NOL4: variants seen among roughly 807,000 people sequenced by gnomAD.
The protein encoded by NOL4 is nucleolar protein 4.
A neutral mutation model predicts 75.9 loss-of-function variants in NOL4; 17 were observed. The ratio of observed to expected loss-of-function variants is 0.22; its 90% CI spans 0.15 to 0.34. The LOEUF is 0.34. Ranked by LOEUF, NOL4 falls within the 10% of genes least tolerant of loss-of-function variation. The pLI is 1.00. For synonymous variants in NOL4, 292 were observed against 289.9 expected, an observed-to-expected ratio of 1.01 and a Z score of -0.07; for missense variants, 614 against 793.5, an observed-to-expected ratio of 0.77 and a Z score of 2.72.
At chr18:34,099,863 T>C (rs2078964523) in intron 4 of NOL4, among the ~76,000 whole-genome samples, 1 of 152,182 alleles carries the variant, frequency 6.6e-6, no homozygotes, top group Non-Finnish European at 1.5e-5. Context: ...TACTGTCTTC[T>C]ACCCATGCCC....
intron 1 of NOL4, among the ~76,000 whole-genome samples, chr18:34,191,415 T>A (rs949230683): frequency 6.6e-6 from 1 of 152,166 alleles, no homozygotes; most frequent in Non-Finnish European, 1.5e-5. Context: ...TTTAAAATTC[T>A]TACACATTTA....
intron 1 of NOL4, among the ~76,000 whole-genome samples, chr18:34,194,553 C>T (rs1197196151): frequency 6.6e-6 from 1 of 151,674 alleles, no homozygotes; most frequent in Non-Finnish European, 1.5e-5. Flanking sequence ...CGTAAGTAAG[C>T]TGGGAAAAAA....
intron 4 of NOL4, 79 bp downstream of exon 4, chr18:34,103,968 C>A: frequency 2.2e-6 from 2 of 921,348 alleles, no homozygotes; most frequent in Non-Finnish European, 3.6e-6. Flanking sequence ...AAAATGCCAT[C>A]ATGCTTAATA....
chr18:34,073,387 A>G (rs115385402), intron 5 of NOL4, among the ~76,000 whole-genome samples: 4,170 of 152,116 alleles, frequency 0.027, 222 homozygotes, highest in African/African-American at 0.095. Flanking sequence ...TGGATATCCC[A>G]AAATCCATAG....
At chr18:33,871,362 G>T (rs2063692269) in intron 10 of NOL4, among the ~76,000 whole-genome samples, 1 of 152,000 alleles carries the variant, frequency 6.6e-6, no homozygotes, top group South Asian at 2.1e-4. Context: ...GCCCAGGAAA[G>T]GGTAATGTGG....
In NOL4 at chr18:34,185,254, C is replaced by T. The variant is rs148259353; in HGVS notation, c.264+37736G>A. 4.6e-5 allele frequency among the ~76,000 whole-genome samples: 7 copies of T among 152,260 alleles called. No individual in the cohort carries two copies. In the East Asian group the frequency reaches 1.4e-3, roughly 29 times the overall value. Reference sequence around the variant, plus strand: ...TTAGCCTGCTACAATTTCACGGATTCTGGCAGAACATACAAGACTTCTAAT... The same window carrying T: ...TTAGCCTGCTACAATTTCACGGATTTTGGCAGAACATACAAGACTTCTAAT... On this transcript the variant is annotated intron_variant, in intron 1 of 10. Coordinates refer to ENST00000261592, the MANE Select transcript of NOL4 (RefSeq NM_003787.5).
intron 9 of NOL4, among the ~76,000 whole-genome samples, chr18:33,937,806 A>G (rs2068171010): frequency 6.6e-6 from 1 of 152,158 alleles, no homozygotes; most frequent in Non-Finnish European, 1.5e-5. Flanking sequence ...TACTAATTAT[A>G]AACAGTAAAC....
At chr18:34,174,244 C>A (rs902208550) in intron 1 of NOL4, among the ~76,000 whole-genome samples, 2 of 152,056 alleles carry the variant, frequency 1.3e-5, no homozygotes, top group Non-Finnish European at 2.9e-5. Context: ...TATTTAAATC[C>A]AGGGCACAGA....
chr18:34,024,281 G>T (rs1421650205), intron 5 of NOL4, among the ~76,000 whole-genome samples: 1 of 145,664 alleles, frequency 6.9e-6, no homozygotes, highest in Admixed American at 6.9e-5. Context: ...TGCTCACAGG[G>T]TCCACAAAGA....
chr18:33,896,088 T>C (rs10853429), intron 9 of NOL4, among the ~76,000 whole-genome samples: 52,832 of 151,764 alleles, frequency 0.35, 9,335 homozygotes, highest in South Asian at 0.47. Context: ...GGAATACAGC[T>C]AACGAGGGAG....
At chr18:33,897,187 C>T (rs903716824) in intron 9 of NOL4, among the ~76,000 whole-genome samples, 1 of 152,140 alleles carries the variant, frequency 6.6e-6, no homozygotes, top group Non-Finnish European at 1.5e-5. Flanking sequence ...TCAGTTCAAC[C>T]ATTGTGGAAA....
intron 9 of NOL4, among the ~76,000 whole-genome samples, chr18:33,891,742 T>C (rs1006522887): frequency 2.6e-5 from 4 of 152,214 alleles, no homozygotes; most frequent in African/African-American, 4.8e-5. Flanking sequence ...TGATCTCTTG[T>C]ATGGTAGAAT....
intron 2 of NOL4, among the ~76,000 whole-genome samples, chr18:34,116,674 A>G (rs1247479535): frequency 6.6e-6 from 1 of 152,212 alleles, no homozygotes; most frequent in African/African-American, 2.4e-5. Context: ...AGTTAGAAAA[A>G]TTGAAGAAGT....
intron 5 of NOL4, chr18:34,048,585 G>T: frequency 1.0e-6 from 1 of 985,342 alleles, no homozygotes; most frequent in East Asian, 1.1e-4. Flanking sequence ...TCTCTCCTCT[G>T]CACAGTAAGA....
chr18:33,862,186 A>G (rs1034140998), intron 10 of NOL4, among the ~76,000 whole-genome samples: 1 of 152,140 alleles, frequency 6.6e-6, no homozygotes, highest in Non-Finnish European at 1.5e-5. Flanking sequence ...TCCCTATTTA[A>G]TAAATGGTGC....
chr18:34,146,663 G>A (rs549905333), intron 1 of NOL4, among the ~76,000 whole-genome samples: 1 of 151,962 alleles, frequency 6.6e-6, no homozygotes, highest in Non-Finnish European at 1.5e-5. Context: ...GTAGTGTGAT[G>A]CCTCCAGCTT....
chr18:34,133,697 C>A (rs1163399566), intron 1 of NOL4, among the ~76,000 whole-genome samples: 2 of 151,344 alleles, frequency 1.3e-5, no homozygotes, highest in Admixed American at 6.6e-5. Context: ...GATGCAGATC[C>A]ACACATAGAA....
intron 1 of NOL4, among the ~76,000 whole-genome samples, chr18:34,143,052 A>G (rs1423332866): frequency 2.6e-5 from 4 of 151,338 alleles, no homozygotes; most frequent in Non-Finnish European, 4.4e-5. Flanking sequence ...GTAAAAATTA[A>G]TAAAACGAGG....
intron 5 of NOL4, among the ~76,000 whole-genome samples, chr18:34,056,642 A>T (rs2076845490): frequency 6.6e-6 from 1 of 152,198 alleles, no homozygotes; most frequent in African/African-American, 2.4e-5. Context: ...TGCTATTGTA[A>T]AAGAAGAGCC....
Sources: gnomAD v4.1 joint callset for allele counts (sites outside exome capture counted in the v4.1 genomes callset) on GRCh38, gnomAD v4.1.1 for gene constraint, MANE v1.5 for transcripts, NCBI Gene and HGNC (gene_info 2026-07-23, HGNC 2026-07-21) for gene names.